Variants in AXL observed in about 807,000 individuals in gnomAD.
The protein encoded by AXL is tyrosine-protein kinase receptor UFO.
In AXL, 52 loss-of-function variants were observed where a neutral mutation model predicts 104.5. The observed-to-expected ratio is 0.50, with a 90% confidence interval of 0.40 to 0.63. AXL has a LOEUF of 0.63. Among genes scored for constraint, AXL ranks in the 20% least tolerant of loss-of-function variants. The pLI, the probability that AXL is intolerant of heterozygous loss-of-function variation, is 0.00. For synonymous variants in AXL, 455 were observed against 473.7 expected, an observed-to-expected ratio of 0.96 and a Z score of 0.51; for missense variants, 1,024 against 1,188.5, an observed-to-expected ratio of 0.86 and a Z score of 2.04.
intron 4 of AXL, among the ~76,000 whole-genome samples, chr19:41,227,166 A>AG (rs749137187): frequency 6.6e-6 from 1 of 151,886 alleles, no homozygotes; most frequent in Non-Finnish European, 1.5e-5. Flanking sequence ...GTGCTGGGGG[A>AG]GGGGGGTGTC....
intron 14 of AXL, among the ~76,000 whole-genome samples, chr19:41,251,359 T>A (rs994871208): frequency 1.1e-4 from 17 of 151,858 alleles, no homozygotes; most frequent in African/African-American, 3.9e-4. Context: ...GTGGGGAGTT[T>A]GAGACCAGCC....
chr19:41,248,548 G>A lies in AXL; in HGVS notation c.1572G>A (p.Glu524=), dbSNP rs927050983. 3.1e-6 allele frequency: 5 copies of A among 1,614,228 alleles called. No individual in the cohort carries two copies. The highest frequency in any genetic ancestry group is 3.4e-6 in the Non-Finnish European group (4 of 1,180,048). The change falls in exon 13 of 20, where the codon GAG becomes GAA. Residue 524 remains glutamate, a synonymous_variant. Transcript: ENST00000301178. ...NSLGISEELK[E]KLRDVMVDRH... ...TGGGCATCAGTGAAGAGCTGAAGGA[G>A]AAGCTGCGGGATGTGATGGTGGACC...
chr19:41,231,147 G>A (rs749981843), intron 5 of AXL, 36 bp from the exon 6 acceptor site: 9 of 1,609,216 alleles, frequency 5.6e-6, no homozygotes, highest in African/African-American at 2.7e-5. Flanking sequence ...TTTGAGCAAA[G>A]GCTCCCCAGG....
At position 41,256,533 on chromosome 19, in the gene AXL, A is replaced by G. The variant is rs1243105867; in HGVS notation, c.2118A>G (p.Gly706=). 6.2e-7 allele frequency: 1 copy of G among 1,614,188 alleles called. No individual in the cohort carries two copies. Among genetic ancestry groups the G allele is most frequent in the Admixed American group, 1.7e-5 (1 of 60,022 alleles). ...ACAATGGGGACTACTACCGCCAGGG[A>G]CGTATCGCCAAGATGCCAGTCAAGT... ...KIYNGDYYRQ[G]RIAKMPVKWI... is the part of the protein sequence containing the mutation. The change falls in exon 18 of 20, where the codon GGA becomes GGG. Residue 706 remains glycine, a synonymous_variant. Coordinates refer to ENST00000301178, the MANE Select transcript of AXL (RefSeq NM_021913.5).
intron 4 of AXL, chr19:41,226,672 TCAA>T (rs908047466): frequency 3.4e-6 from 3 of 883,606 alleles, no homozygotes; most frequent in Non-Finnish European, 4.1e-6. Flanking sequence ...ACACAGATAC[TCAA>T]CACATGCACG....
At chr19:41,246,305 G>A (rs140853144) in intron 12 of AXL, among the ~76,000 whole-genome samples, 2 of 152,054 alleles carry the variant, frequency 1.3e-5, no homozygotes, top group East Asian at 3.9e-4. Flanking sequence ...AAATTAGCTG[G>A]GTGTGGTGGT....
chr19:41,238,667 A>T (rs2034127199), intron 8 of AXL, 58 bp downstream of exon 8: 2 of 1,549,154 alleles, frequency 1.3e-6, no homozygotes, highest in Non-Finnish European at 1.8e-6. Context: ...AGGAGAACAT[A>T]TCAGGGCAGA....
At chr19:41,222,139 C>G in intron 4 of AXL, 83 bp downstream of exon 4, 2 of 1,355,092 alleles carry the variant, frequency 1.5e-6, no homozygotes, top group Non-Finnish European at 2.0e-6. Flanking sequence ...GCTACCTCTG[C>G]GTGAGTGTCT....
At chr19:41,229,251 TATTTTTC>T (rs941101600) in intron 4 of AXL, among the ~76,000 whole-genome samples, 1 of 151,506 alleles carries the variant, frequency 6.6e-6, no homozygotes, top group African/African-American at 2.4e-5. Context: ...GCCCAGCCTT[TATTTTTC>T]ATTTTATTAT....
chr19:41,219,304 C>A lies in AXL; in HGVS notation c.-89C>A. 4 of 1,310,518 alleles carry A rather than the reference C, an allele frequency of 3.1e-6. No individual in the cohort carries two copies. The highest frequency in any genetic ancestry group is 4.2e-6 in the Non-Finnish European group (4 of 961,554). The allele number at this position is 1,310,518 out of a possible 1,614,324, so 81.2% of individuals were successfully genotyped here. On this transcript the variant is annotated 5_prime_UTR_variant, in exon 1 of 20. Coordinates refer to ENST00000301178, the MANE Select transcript of AXL (RefSeq NM_021913.5). The stretch of plus-strand genomic sequence containing the variant: ...GGCAGGCAGTGCCAAATCCGGGGAG[C>A]CTGGAGCTGGGGGGAGGGCCGGGGA...
At chr19:41,250,412 C>G (rs1305648707) in intron 14 of AXL, among the ~76,000 whole-genome samples, 1 of 152,084 alleles carries the variant, frequency 6.6e-6, no homozygotes. Flanking sequence ...TGGAGCACCT[C>G]CTGTGTACCA....
At chr19:41,249,493 C>T (rs566106040) in intron 14 of AXL, among the ~76,000 whole-genome samples, 8 of 151,170 alleles carry the variant, frequency 5.3e-5, no homozygotes, top group African/African-American at 1.5e-4. Context: ...TGGTGGCTCA[C>T]GTCTGTAATC....
Position 41,219,376 on chromosome 19 carries a change from A to C in AXL, c.-17A>C, listed in dbSNP as rs766690375. ...CCCGCTGGGAGCCCAACAACTTCTG[A>C]GGAAAGTTTGGCACCCATGGCGTGG... On this transcript the variant is annotated 5_prime_UTR_variant, in exon 1 of 20. Coordinates refer to ENST00000301178, the MANE Select transcript of AXL (RefSeq NM_021913.5). The C allele has an allele frequency of 1.3e-6, 2 of 1,579,090 alleles. No homozygotes were observed. Among genetic ancestry groups the C allele is most frequent in the South Asian group, 2.3e-5 (2 of 86,054 alleles).
chr19:41,250,841 C>T (rs977446303), intron 14 of AXL, among the ~76,000 whole-genome samples: 8 of 152,132 alleles, frequency 5.3e-5, no homozygotes, highest in East Asian at 1.9e-4. Context: ...GAGGCTCAAG[C>T]GATCCTCCCC....
At chr19:41,249,929 C>CT (rs1440812590) in intron 14 of AXL, among the ~76,000 whole-genome samples, 1 of 152,084 alleles carries the variant, frequency 6.6e-6, no homozygotes, top group African/African-American at 2.4e-5. Context: ...GAGGAAACCA[C>CT]TAGGAAAGGG....
At chr19:41,226,147 C>T (rs916889459) in intron 4 of AXL, among the ~76,000 whole-genome samples, 2 of 152,204 alleles carry the variant, frequency 1.3e-5, no homozygotes, top group African/African-American at 4.8e-5. Flanking sequence ...TGGCTCCGCG[C>T]CCCCGAAGCC....
At chr19:41,244,871 C>T (rs1378766269) in intron 12 of AXL, among the ~76,000 whole-genome samples, 5 of 149,710 alleles carry the variant, frequency 3.3e-5, no homozygotes, top group African/African-American at 1.2e-4. Flanking sequence ...CCCAAGGCCA[C>T]ACAGCTTGTA....
At chr19:41,246,086 C>T (rs893157681) in intron 12 of AXL, among the ~76,000 whole-genome samples, 2 of 152,222 alleles carry the variant, frequency 1.3e-5, no homozygotes, top group Non-Finnish European at 2.9e-5. Context: ...CAGAGGCTCC[C>T]TGACGTGGGA....
Position 41,232,072 on chromosome 19 carries a change from T to TG in AXL, c.783+776dup, listed in dbSNP as rs1420824508. ...AGTCTGGAGCCATTTCTGTCACCAC[T>TG]GGATACCCAGAACCCTCCACTTCTC... On this transcript the variant is annotated intron_variant, in intron 6 of 19. Transcript: ENST00000301178. Among the ~76,000 whole-genome samples, 8 of 152,314 alleles carry TG rather than the reference T, an allele frequency of 5.3e-5. No individual in the cohort carries two copies. The East Asian group carries it at 1.2e-3, about 22-fold the overall frequency.
Sources: gnomAD v4.1 joint callset for allele counts (sites outside exome capture counted in the v4.1 genomes callset) on GRCh38, gnomAD v4.1.1 for gene constraint, MANE v1.5 for transcripts, NCBI Gene and HGNC (gene_info 2026-07-23, HGNC 2026-07-21) for gene names.